The following ZNF83 variants were observed in gnomAD, a reference collection of about 807,000 sequenced individuals.
The protein encoded by ZNF83 is zinc finger protein 83.
For synonymous variants in ZNF83, 209 were observed against 213.0 expected, an observed-to-expected ratio of 0.98 and a Z score of 0.17; for missense variants, 552 against 629.9, an observed-to-expected ratio of 0.88 and a Z score of 1.32.
chr19:52,659,148 G>A (rs2061544861), intron 2 of ZNF83, among the ~76,000 whole-genome samples: 1 of 151,842 alleles, frequency 6.6e-6, no homozygotes, highest in East Asian at 1.9e-4. Context: ...TCCTGTGTGA[G>A]GAAAGTCAGG....
Position 52,690,193 on chromosome 19 carries a change from A to C in ZNF83, c.-283+250T>G, listed in dbSNP as rs527599539. Among the ~76,000 whole-genome samples the C allele has an allele frequency of 1.5e-3, 229 of 151,676 alleles. 1 individual carries two copies. The highest frequency in any genetic ancestry group is 2.1e-3 in the Non-Finnish European group (144 of 67,888). On this transcript the variant is annotated intron_variant, in intron 1 of 5. Coordinates refer to the ZNF83 transcript ENST00000594682. ...GAAAATGATTTTGAGAAAAAAAAAAAAAAAACAACAACAACTACGCGATAG... is the reference window on the plus strand; with the variant it reads ...GAAAATGATTTTGAGAAAAAAAAAACAAAAACAACAACAACTACGCGATAG...
At chr19:52,621,332 C>T (rs183989842) in intron 2 of ZNF83, among the ~76,000 whole-genome samples, 79 of 152,330 alleles carry the variant, frequency 5.2e-4, no homozygotes, top group Admixed American at 1.4e-3. Context: ...ACCTTTCAAT[C>T]TCTCCCTTCC....
chr19:52,675,413 TACAAGGGCTGAGCTGG>T (rs2061785963), intron 1 of ZNF83, among the ~76,000 whole-genome samples: 1 of 151,636 alleles, frequency 6.6e-6, no homozygotes, highest in African/African-American at 2.4e-5. Flanking sequence ...TCAAGGGGGA[TACAAGGGCTGAGCTGG>T]GACACAAGCG....
chr19:52,659,712 T>C (rs746163897), intron 2 of ZNF83, among the ~76,000 whole-genome samples: 1 of 151,806 alleles, frequency 6.6e-6, no homozygotes, highest in African/African-American at 2.4e-5. Flanking sequence ...AATTTCTAAT[T>C]TCAGGATGCA....
At chr19:52,687,118 T>C (rs1238536532) in intron 1 of ZNF83, among the ~76,000 whole-genome samples, 1 of 141,252 alleles carries the variant, frequency 7.1e-6, no homozygotes, top group Non-Finnish European at 1.6e-5. Context: ...AAAGCAGAGG[T>C]TGCACTAAGC....
intron 2 of ZNF83, among the ~76,000 whole-genome samples, chr19:52,657,434 A>G (rs2061520688): frequency 6.6e-6 from 1 of 151,634 alleles, no homozygotes; most frequent in South Asian, 2.1e-4. Context: ...ATATGGTGAA[A>G]CTTTGTCTCT....
chr19:52,656,799 G>A (rs1465346447), intron 2 of ZNF83, among the ~76,000 whole-genome samples: 1 of 151,272 alleles, frequency 6.6e-6, no homozygotes, highest in Admixed American at 6.6e-5. Flanking sequence ...TCGGGAGGCT[G>A]AGGTTGCAGT....
At chr19:52,614,238 A>C (rs373776078) in exon 3 of ZNF83, 118 of 1,614,028 alleles carry the variant, frequency 7.3e-5, no homozygotes, top group Middle Eastern at 1.6e-4. Flanking sequence ...TTTGATGTAT[A>C]GTAAAATGTA....
intron 1 of ZNF83, among the ~76,000 whole-genome samples, chr19:52,676,220 T>A (rs1248945616): frequency 6.6e-6 from 1 of 152,146 alleles, no homozygotes; most frequent in East Asian, 1.9e-4. Context: ...TAACCGTGAG[T>A]GATCTGCCAG....
At chr19:52,632,923 G>A (rs758680798) in intron 2 of ZNF83, among the ~76,000 whole-genome samples, 5 of 151,844 alleles carry the variant, frequency 3.3e-5, no homozygotes, top group East Asian at 1.9e-4. Flanking sequence ...CCCTAATCCC[G>A]CTCGAAGCAG....
chr19:52,680,576 G>C (rs1219791349), intron 1 of ZNF83, among the ~76,000 whole-genome samples: 3 of 146,670 alleles, frequency 2.0e-5, no homozygotes, highest in South Asian at 4.4e-4. Flanking sequence ...TTTCTCCACA[G>C]TTGTGTTTTA....
At chr19:52,642,051 G>A (rs533242968), upstream of ZNF83, among the ~76,000 whole-genome samples, 1 of 152,212 alleles carries the variant, frequency 6.6e-6, no homozygotes, top group Non-Finnish European at 1.5e-5. Flanking sequence ...AGTCACTTAT[G>A]CCTTAATCTG....
chr19:52,682,071 T>C (rs1161509833), intron 1 of ZNF83, among the ~76,000 whole-genome samples: 1 of 152,056 alleles, frequency 6.6e-6, no homozygotes, highest in Non-Finnish European at 1.5e-5. Flanking sequence ...TGGTATTGAA[T>C]TCCCGACCTC....
intron 1 of ZNF83, among the ~76,000 whole-genome samples, chr19:52,684,536 T>G (rs1210582045): frequency 8.6e-5 from 10 of 116,302 alleles, no homozygotes; most frequent in Admixed American, 9.0e-5. Context: ...GACAATAGAG[T>G]GAGACTCTGT....
chr19:52,667,225 A>G (rs1363331966), intron 1 of ZNF83, among the ~76,000 whole-genome samples: 3 of 90,386 alleles, frequency 3.3e-5, no homozygotes, highest in East Asian at 4.3e-4. Context: ...ATCATCTTTG[A>G]AAAAAAAAAA....
At chr19:52,673,194 G>A (rs1157446734) in intron 1 of ZNF83, among the ~76,000 whole-genome samples, 1 of 152,012 alleles carries the variant, frequency 6.6e-6, no homozygotes, top group Non-Finnish European at 1.5e-5. Context: ...GTGCGAAAGA[G>A]CTGGACTCCA....
chr19:52,633,115 T>G (rs540378745), intron 2 of ZNF83, among the ~76,000 whole-genome samples: 5 of 152,338 alleles, frequency 3.3e-5, no homozygotes, highest in Non-Finnish European at 5.9e-5. Flanking sequence ...CCAGATGGCC[T>G]GTTCCTGCCT....
chr19:52,620,425 TCAA>T (rs542962405), intron 2 of ZNF83, among the ~76,000 whole-genome samples: 9 of 152,256 alleles, frequency 5.9e-5, no homozygotes, highest in Admixed American at 5.9e-4. Flanking sequence ...AATCACTCCT[TCAA>T]CAGCCTTCCC....
intron 1 of ZNF83, among the ~76,000 whole-genome samples, chr19:52,661,193 T>C (rs2061575439): frequency 6.6e-6 from 1 of 152,068 alleles, no homozygotes; most frequent in Non-Finnish European, 1.5e-5. Flanking sequence ...CACACATTCC[T>C]TTCCTGTGAC....
Sources: allele counts gnomAD v4.1 joint callset (sites outside exome capture counted in the v4.1 genomes callset), GRCh38; gene constraint gnomAD v4.1.1; transcripts MANE v1.5; gene names NCBI Gene and HGNC (gene_info 2026-07-23, HGNC 2026-07-21).